CNTNAP2: variants seen among roughly 807,000 people sequenced by gnomAD.
The protein encoded by CNTNAP2 is contactin associated protein 2, also known as contactin-associated protein-like 2.
In CNTNAP2, 98 loss-of-function variants were observed where a neutral mutation model predicts 155.2. The ratio of observed to expected loss-of-function variants is 0.63; its 90% confidence interval spans 0.54 to 0.75. The LOEUF (loss-of-function observed/expected upper bound fraction) is 0.75. CNTNAP2 is among the 30% of genes least tolerant of loss of function. The pLI is 0.00. For missense variants in CNTNAP2, 1,727 were observed against 1,688.1 expected, an observed-to-expected ratio of 1.02 and a Z score of -0.40; for synonymous variants, 651 against 631.2, an observed-to-expected ratio of 1.03 and a Z score of -0.47.
chr7:147,737,299 G>A (rs559465894), intron 13 of CNTNAP2, among the ~76,000 whole-genome samples: 1 of 152,288 alleles, frequency 6.6e-6, no homozygotes, highest in East Asian at 1.9e-4. Context: ...TCCAGACCCT[G>A]TTTGCCTGGG....
chr7:147,056,965 TG>T (rs1451392724), intron 4 of CNTNAP2, among the ~76,000 whole-genome samples: 2 of 151,230 alleles, frequency 1.3e-5, no homozygotes, highest in Non-Finnish European at 2.9e-5. Flanking sequence ...TTTGTAGAGA[TG>T]GGGTTATTTT....
intron 11 of CNTNAP2, among the ~76,000 whole-genome samples, chr7:147,522,331 A>G (rs1274514290): frequency 6.6e-6 from 1 of 152,258 alleles, no homozygotes; most frequent in African/African-American, 2.4e-5. Flanking sequence ...AGGAATATCT[A>G]GGTATTCCTA....
At chr7:146,991,009 T>C (rs1233360020) in intron 3 of CNTNAP2, among the ~76,000 whole-genome samples, 1 of 152,128 alleles carries the variant, frequency 6.6e-6, no homozygotes, top group East Asian at 1.9e-4. Flanking sequence ...TTTCCTTTCT[T>C]ATATCCTATA....
At chr7:148,389,065 C>A (rs1799285698) in intron 22 of CNTNAP2, among the ~76,000 whole-genome samples, 1 of 152,206 alleles carries the variant, frequency 6.6e-6, no homozygotes, top group Admixed American at 6.5e-5. Flanking sequence ...CTTTTCAAAG[C>A]TCAGATGGAA....
At chr7:146,343,238 A>G (rs1302951341) in intron 1 of CNTNAP2, among the ~76,000 whole-genome samples, 1 of 152,178 alleles carries the variant, frequency 6.6e-6, no homozygotes, top group Non-Finnish European at 1.5e-5. Context: ...ATTTTGGTAG[A>G]TGTTAGCATT....
Position 148,420,154 on chromosome 7 carries a change from A to G in CNTNAP2, c.*4538A>G, listed in dbSNP as rs1800081465. ...GGGAGATGCAACATAGCAAAAGGAC[A>G]GAGAAATTAGAATTTTTTGTGCAGA... is the stretch of plus-strand genomic sequence containing the variant. On this transcript the variant is annotated 3_prime_UTR_variant, in exon 24 of 24. Coordinates refer to ENST00000361727, the MANE Select transcript of CNTNAP2 (RefSeq NM_014141.6). 1 of 152,230 alleles carries G rather than the reference A, an allele frequency of 6.6e-6. No homozygotes were observed. The highest frequency in any genetic ancestry group is 2.4e-5 in the African/African-American group (1 of 41,454). 9.4% of individuals were successfully genotyped at this position (152,230 alleles called of 1,614,324 possible). A position where few individuals can be genotyped will look rare whatever the true frequency, so the allele number is the denominator to read the frequency against.
chr7:147,963,645 C>T (rs189353680), intron 14 of CNTNAP2, among the ~76,000 whole-genome samples: 22 of 152,140 alleles, frequency 1.4e-4, no homozygotes, highest in Admixed American at 1.1e-3. Context: ...CCCAGACACG[C>T]GAAATGCTGA....
At chr7:147,175,951 T>C (rs748030791) in intron 8 of CNTNAP2, among the ~76,000 whole-genome samples, 1 of 152,200 alleles carries the variant, frequency 6.6e-6, no homozygotes. Context: ...GGACCAATGA[T>C]TGGTCAAACA....
intron 1 of CNTNAP2, among the ~76,000 whole-genome samples, chr7:146,633,847 A>AAAAAAAAAAC (rs1563165275): frequency 6.6e-6 from 1 of 151,034 alleles, no homozygotes; most frequent in Non-Finnish European, 1.5e-5. Context: ...AAAAAAAAAA[A>AAAAAAAAAAC]AAAAAAAAAC....
At chr7:147,360,001 T>C (rs1796121419) in intron 9 of CNTNAP2, among the ~76,000 whole-genome samples, 1 of 152,220 alleles carries the variant, frequency 6.6e-6, no homozygotes, top group African/African-American at 2.4e-5. Flanking sequence ...TTTTTTTAAC[T>C]GCCACATCTT....
At chr7:148,081,164 T>C (rs1030627242) in intron 15 of CNTNAP2, among the ~76,000 whole-genome samples, 2 of 152,156 alleles carry the variant, frequency 1.3e-5, no homozygotes, top group Non-Finnish European at 2.9e-5. Flanking sequence ...AATGATGCAA[T>C]TCATAGTAGG....
At chr7:147,001,514 C>T (rs1439672635) in intron 3 of CNTNAP2, among the ~76,000 whole-genome samples, 1 of 151,898 alleles carries the variant, frequency 6.6e-6, no homozygotes, top group African/African-American at 2.4e-5. Flanking sequence ...ATAATTGTGG[C>T]TTACCTATAA....
At chr7:147,913,719 C>A (rs1800109056) in intron 14 of CNTNAP2, among the ~76,000 whole-genome samples, 1 of 152,180 alleles carries the variant, frequency 6.6e-6, no homozygotes, top group African/African-American at 2.4e-5. Context: ...CCTCCTCCAA[C>A]ACTCAGCCAG....
chr7:148,231,783 AG>A (rs1490978094), intron 20 of CNTNAP2, among the ~76,000 whole-genome samples: 11 of 152,144 alleles, frequency 7.2e-5, no homozygotes, highest in Admixed American at 6.5e-4. Flanking sequence ...GTTGGGTGGA[AG>A]GGGGAACAAA....
chr7:147,858,967 A>G (rs1799090330), intron 13 of CNTNAP2, among the ~76,000 whole-genome samples: 1 of 152,194 alleles, frequency 6.6e-6, no homozygotes, highest in Non-Finnish European at 1.5e-5. Context: ...GGAAACTTCT[A>G]TATAAGGCTA....
chr7:146,778,962 C>G (rs545997340), intron 2 of CNTNAP2, among the ~76,000 whole-genome samples: 11 of 152,202 alleles, frequency 7.2e-5, no homozygotes, highest in Non-Finnish European at 1.5e-4. Context: ...TACCTGACAT[C>G]GTTTTGGGAA....
At chr7:146,806,841 T>A (rs990260391) in intron 2 of CNTNAP2, among the ~76,000 whole-genome samples, 1 of 152,152 alleles carries the variant, frequency 6.6e-6, no homozygotes, top group Non-Finnish European at 1.5e-5. Context: ...CTCCACCACA[T>A]GATGGAGTGT....
rs773110260 is a variant in CNTNAP2 at position 147,128,821 on chromosome 7, A to G, written c.1068A>G (p.Leu356=). 1.2e-5 allele frequency: 19 copies of G among 1,613,946 alleles called. No individual in the cohort carries two copies. The highest frequency in any genetic ancestry group is 1.5e-5 in the Non-Finnish European group (18 of 1,179,922). Residue 356 remains leucine (L), a synonymous_variant, in exon 7 of 24, where the codon TTA becomes TTG. Transcript: ENST00000361727. ...NITDLARRKK[L]EPSNVGNLSF... is the part of the protein sequence containing the mutation. ...CTGATCTTGCCAGAAGGAAGAAATT[A>G]GAGCCCTCAAATGTGGTAAGGATTT...
chr7:146,895,898 A>G (rs1425731298), intron 3 of CNTNAP2, among the ~76,000 whole-genome samples: 2 of 152,132 alleles, frequency 1.3e-5, no homozygotes, highest in East Asian at 3.9e-4. Flanking sequence ...CATATGTACT[A>G]AGATTTACTA....
Sources: allele counts gnomAD v4.1 joint callset (sites outside exome capture counted in the v4.1 genomes callset), GRCh38; gene constraint gnomAD v4.1.1; transcripts MANE v1.5; gene names NCBI Gene and HGNC (gene_info 2026-07-23, HGNC 2026-07-21).